The following SCFD2 variants were observed in gnomAD, a reference collection of about 807,000 sequenced individuals.
SCFD2 encodes sec1 family domain containing 2, also known as sec1 family domain-containing protein 2.
A neutral mutation model predicts 58.9 loss-of-function variants in SCFD2; 54 were observed. The observed-to-expected ratio is 0.92, with a 90% CI of 0.74 to 1.15. The LOEUF is 1.15. SCFD2 is among the 50% of genes most tolerant of loss of function. The probability of loss-of-function intolerance (pLI) is 0.00; values close to 1 mark genes in which losing one functional copy is unlikely to be tolerated. For missense variants in SCFD2, 805 were observed against 836.6 expected, an observed-to-expected ratio of 0.96 and a Z score of 0.47; for synonymous variants, 321 against 335.9, an observed-to-expected ratio of 0.96 and a Z score of 0.49.
At chr4:53,255,827 T>C (rs1394559468) in intron 4 of SCFD2, among the ~76,000 whole-genome samples, 3 of 147,646 alleles carry the variant, frequency 2.0e-5, no homozygotes, top group East Asian at 4.2e-4. Context: ...ACCGGGCAGC[T>C]GGCCGGGCGG....
chr4:53,219,874 C>T (rs536551927), intron 4 of SCFD2, among the ~76,000 whole-genome samples: 2 of 152,286 alleles, frequency 1.3e-5, no homozygotes, highest in Admixed American at 1.3e-4. Context: ...GTTACTACTA[C>T]CACCACCATG....
At chr4:52,963,746 C>T (rs1005287810) in intron 5 of SCFD2, among the ~76,000 whole-genome samples, 5 of 152,132 alleles carry the variant, frequency 3.3e-5, no homozygotes, top group Admixed American at 3.3e-4. Flanking sequence ...TGAGCAACAG[C>T]CTACATCTTT....
chr4:52,993,812 A>G (rs766006099), intron 5 of SCFD2, among the ~76,000 whole-genome samples: 4 of 152,238 alleles, frequency 2.6e-5, no homozygotes, highest in Non-Finnish European at 5.9e-5. Flanking sequence ...AAAATTATTT[A>G]TAGACTGTTC....
chr4:52,898,584 A>G (rs951428053), intron 7 of SCFD2, among the ~76,000 whole-genome samples: 7 of 152,158 alleles, frequency 4.6e-5, no homozygotes, highest in East Asian at 3.9e-4. Context: ...TATGTGGTCA[A>G]TTTTGGAATA....
intron 5 of SCFD2, among the ~76,000 whole-genome samples, chr4:53,103,709 A>G (rs995773830): frequency 7.0e-6 from 1 of 143,840 alleles, no homozygotes; most frequent in African/African-American, 2.5e-5. Flanking sequence ...AGCTGATTCT[A>G]GGACAAAGGC....
intron 4 of SCFD2, 199 bp downstream of exon 4, chr4:53,273,626 GT>G (rs1731239552): frequency 4.2e-6 from 2 of 474,714 alleles, no homozygotes; most frequent in East Asian, 6.9e-5. Flanking sequence ...AGCCAAAGAT[GT>G]TACTGTCAAA....
At chr4:53,245,879 G>T (rs1730053534) in intron 4 of SCFD2, among the ~76,000 whole-genome samples, 1 of 152,090 alleles carries the variant, frequency 6.6e-6, no homozygotes, top group Admixed American at 6.6e-5. Flanking sequence ...ATAAATAAAA[G>T]ACATCCAAGT....
chr4:52,953,014 A>T (rs866456363), intron 5 of SCFD2, among the ~76,000 whole-genome samples: 12 of 152,348 alleles, frequency 7.9e-5, no homozygotes, highest in South Asian at 4.1e-4. Context: ...AGGCCCAGCA[A>T]CTTTTTCTGC....
intron 5 of SCFD2, 67 bp from the exon 6 acceptor site, chr4:52,920,937 C>G: frequency 9.9e-7 from 1 of 1,010,992 alleles, no homozygotes; most frequent in South Asian, 1.8e-5. Flanking sequence ...ACAGCTTGAG[C>G]TCGATGTAAT....
intron 4 of SCFD2, among the ~76,000 whole-genome samples, chr4:53,239,548 G>C (rs956504534): frequency 6.6e-6 from 1 of 152,154 alleles, no homozygotes; most frequent in African/African-American, 2.4e-5. Flanking sequence ...GCAATGGCTG[G>C]ATCTCAGCTC....
intron 5 of SCFD2, among the ~76,000 whole-genome samples, chr4:53,116,139 A>G (rs1725311536): frequency 6.6e-6 from 1 of 152,216 alleles, no homozygotes; most frequent in African/African-American, 2.4e-5. Flanking sequence ...AGCAACCAGA[A>G]TAGAAATTCC....
intron 5 of SCFD2, among the ~76,000 whole-genome samples, chr4:52,942,282 G>T (rs1456940540): frequency 6.6e-6 from 1 of 152,190 alleles, no homozygotes; most frequent in Non-Finnish European, 1.5e-5. Flanking sequence ...AAGGGACAAG[G>T]GGGAGAGTGG....
At chr4:53,256,366 T>C (rs1226117828) in intron 4 of SCFD2, among the ~76,000 whole-genome samples, 5 of 147,388 alleles carry the variant, frequency 3.4e-5, no homozygotes, top group Non-Finnish European at 7.5e-5. Context: ...CTAGATGGGA[T>C]GGCGGCCGGG....
intron 4 of SCFD2, among the ~76,000 whole-genome samples, chr4:53,270,500 C>T (rs906921170): frequency 7.9e-5 from 12 of 152,080 alleles, no homozygotes; most frequent in African/African-American, 2.2e-4. Flanking sequence ...GCCTAGTATG[C>T]CTGGTCAATG....
chr4:53,108,589 C>T (rs1479494893), intron 5 of SCFD2, among the ~76,000 whole-genome samples: 1 of 152,096 alleles, frequency 6.6e-6, no homozygotes, highest in African/African-American at 2.4e-5. Context: ...CTATAAACAC[C>T]TCTACACAAA....
chr4:53,211,581 T>C (rs984943099), intron 4 of SCFD2, among the ~76,000 whole-genome samples: 3 of 152,114 alleles, frequency 2.0e-5, no homozygotes, highest in African/African-American at 7.3e-5. Context: ...TCTTGGGGAC[T>C]GAGCCCTCAA....
chr4:53,062,549 G>GAAAAA (rs2148841712), intron 5 of SCFD2, among the ~76,000 whole-genome samples: 1 of 152,216 alleles, frequency 6.6e-6, no homozygotes, highest in African/African-American at 2.4e-5. Flanking sequence ...AACAAAGAAT[G>GAAAAA]ACAGGCATTT....
chr4:53,137,858 T>C (rs1485211209), intron 5 of SCFD2, among the ~76,000 whole-genome samples: 1 of 152,262 alleles, frequency 6.6e-6, no homozygotes, highest in Non-Finnish European at 1.5e-5. Context: ...CAGAGCCATC[T>C]GACCAATATA....
chr4:53,210,015 TGGCCCTTATCACCATGG>T (rs1728559376), intron 4 of SCFD2, among the ~76,000 whole-genome samples: 7 of 152,158 alleles, frequency 4.6e-5, no homozygotes. Context: ...AATCATCTTC[TGGCCCTTATCACCATGG>T]ATAAGAAGAC....
Sources: allele counts gnomAD v4.1 joint callset (sites outside exome capture counted in the v4.1 genomes callset), GRCh38; gene constraint gnomAD v4.1.1; transcripts MANE v1.5; gene names NCBI Gene and HGNC (gene_info 2026-07-23, HGNC 2026-07-21).